PCDH15: variants seen among roughly 807,000 people sequenced by gnomAD.
The protein encoded by PCDH15 is protocadherin related 15.
PCDH15 carries 129 observed loss-of-function variants against 178.5 expected under a neutral mutation model. That is an observed-to-expected ratio of 0.72 (90% CI 0.63 to 0.84). PCDH15 has a LOEUF of 0.84. Ranked by LOEUF, PCDH15 falls within the 40% of genes least tolerant of loss-of-function variation. The probability of loss-of-function intolerance (pLI) is 0.00; values close to 1 mark genes in which losing one functional copy is unlikely to be tolerated. For synonymous variants in PCDH15, 800 were observed against 732.0 expected (o/e 1.09, Z -1.50); for missense variants, 2,230 against 2,099.9 (o/e 1.06, Z -1.21).
chr10:55,102,979 G>A (rs758664452), intron 2 of PCDH15, among the ~76,000 whole-genome samples: 8 of 152,248 alleles, frequency 5.3e-5, no homozygotes, highest in Non-Finnish European at 7.4e-5. Flanking sequence ...GGAGGAGGAA[G>A]AGGAGGTGTT....
At position 54,317,547 on chromosome 10, in the gene PCDH15, G is replaced by T. The variant is rs186517050; in HGVS notation, c.706-106C>A. On this transcript the variant is annotated intron_variant, in intron 7 of 37. Transcript: ENST00000644397. ...CCCAGAACTTTGGGAGGCCAAGGTGGGTGGATCACTTGAGGTCAGGGGTTT... is the reference window on the plus strand; with the variant it reads ...CCCAGAACTTTGGGAGGCCAAGGTGTGTGGATCACTTGAGGTCAGGGGTTT... The T allele has an allele frequency of 7.3e-4, 949 of 1,294,776 alleles. 3 individuals are homozygous for T. The African/African-American group carries it at 0.013, about 17-fold the overall frequency. The allele number at this position is 1,294,776 out of a possible 1,614,324, so 80.2% of individuals were successfully genotyped here.
At chr10:55,265,035 A>G (rs1366776555) in intron 1 of PCDH15, among the ~76,000 whole-genome samples, 1 of 152,022 alleles carries the variant, frequency 6.6e-6, no homozygotes, top group Admixed American at 6.5e-5. Context: ...TTGAGAAGCC[A>G]GCTCCCACCA....
At chr10:54,495,510 A>G (rs531997338) in intron 3 of PCDH15, among the ~76,000 whole-genome samples, 16 of 152,310 alleles carry the variant, frequency 1.1e-4, no homozygotes, top group African/African-American at 3.6e-4. Flanking sequence ...TACCATTTAC[A>G]TTCTAAGTTT....
At chr10:54,261,244 C>T (rs1204005879) in intron 8 of PCDH15, among the ~76,000 whole-genome samples, 4 of 151,906 alleles carry the variant, frequency 2.6e-5, no homozygotes, top group Non-Finnish European at 5.9e-5. Context: ...TAAAAATATA[C>T]AGATTTAACA....
At chr10:55,040,441 G>C (rs1329066846) in intron 2 of PCDH15, among the ~76,000 whole-genome samples, 2 of 151,686 alleles carry the variant, frequency 1.3e-5, no homozygotes. Context: ...CCAATGCAGT[G>C]AGTGACTTGA....
At chr10:55,072,347 C>G (rs1591879286) in intron 2 of PCDH15, among the ~76,000 whole-genome samples, 1 of 152,042 alleles carries the variant, frequency 6.6e-6, no homozygotes, top group Admixed American at 6.6e-5. Flanking sequence ...TGATAGACCA[C>G]TAGCAAGACT....
chr10:55,175,026 G>C (rs1013573581), intron 1 of PCDH15, among the ~76,000 whole-genome samples: 4 of 149,406 alleles, frequency 2.7e-5, no homozygotes, highest in Non-Finnish European at 6.0e-5. Flanking sequence ...ACAAACAGCA[G>C]AGAAGTTTGG....
intron 2 of PCDH15, among the ~76,000 whole-genome samples, chr10:55,522,057 A>G (rs914231594): frequency 3.3e-5 from 5 of 151,928 alleles, no homozygotes; most frequent in Non-Finnish European, 7.4e-5. Context: ...ACCAGTCTGT[A>G]TATCTAGAAA....
chr10:54,594,900 A>G (rs1590351517), intron 2 of PCDH15, among the ~76,000 whole-genome samples: 1 of 152,164 alleles, frequency 6.6e-6, no homozygotes, highest in East Asian at 1.9e-4. Flanking sequence ...CACAGAAAAC[A>G]GTGTATCTAC....
chr10:53,822,232 A>C, intron 32 of PCDH15: 1 of 1,613,874 alleles, frequency 6.2e-7, no homozygotes, highest in Non-Finnish European at 8.5e-7. Flanking sequence ...AATGAAGCTG[A>C]AGGAGGTGGA....
chr10:55,573,060 A>C (rs545549019), intron 2 of PCDH15, among the ~76,000 whole-genome samples: 1 of 152,212 alleles, frequency 6.6e-6, no homozygotes, highest in African/African-American at 2.4e-5. Flanking sequence ...AAGAGGCATA[A>C]GTGGAAAACA....
At chr10:54,956,204 T>A (rs1838481250) in intron 2 of PCDH15, among the ~76,000 whole-genome samples, 2 of 151,300 alleles carry the variant, frequency 1.3e-5, no homozygotes, top group East Asian at 1.9e-4. Flanking sequence ...CTAGACCACA[T>A]AAGTATTGTG....
At chr10:55,069,279 ACAAT>A (rs1262355384) in intron 2 of PCDH15, among the ~76,000 whole-genome samples, 2 of 122,206 alleles carry the variant, frequency 1.6e-5, no homozygotes, top group Non-Finnish European at 3.9e-5. Context: ...GTTTAAAATA[ACAAT>A]TTTTTTTTTA....
chr10:54,434,838 C>T (rs1334693900), intron 3 of PCDH15, among the ~76,000 whole-genome samples: 1 of 152,128 alleles, frequency 6.6e-6, no homozygotes, highest in Non-Finnish European at 1.5e-5. Flanking sequence ...CTTTGTTAGA[C>T]CAAGAATAGA....
chr10:54,835,399 T>C (rs1953298770), intron 3 of PCDH15, among the ~76,000 whole-genome samples: 1 of 152,090 alleles, frequency 6.6e-6, no homozygotes, highest in Non-Finnish European at 1.5e-5. Flanking sequence ...TTTCTCTCTC[T>C]CCTTCTCCAT....
chr10:54,403,873 A>G (rs1296906702), intron 3 of PCDH15, among the ~76,000 whole-genome samples: 1 of 151,740 alleles, frequency 6.6e-6, no homozygotes, highest in African/African-American at 2.4e-5. Flanking sequence ...ACAAACACAC[A>G]CACAAACACA....
chr10:54,129,922 G>A (rs572334210), intron 15 of PCDH15, among the ~76,000 whole-genome samples: 1 of 152,200 alleles, frequency 6.6e-6, no homozygotes, highest in South Asian at 2.1e-4. Context: ...GATGATACAT[G>A]GAAATTTTGT....
chr10:55,187,061 C>A (rs191558542), intron 1 of PCDH15, among the ~76,000 whole-genome samples: 3 of 151,866 alleles, frequency 2.0e-5, no homozygotes, highest in East Asian at 1.9e-4. Flanking sequence ...TATTGAGAAC[C>A]TATTATACCT....
chr10:55,446,326 T>TATAA (rs951823936), intron 2 of PCDH15, among the ~76,000 whole-genome samples: 18 of 151,530 alleles, frequency 1.2e-4, no homozygotes, highest in Middle Eastern at 3.4e-3. Flanking sequence ...TATATATATA[T>TATAA]AAAACATTCT....
Sources: gnomAD v4.1 joint callset for allele counts (sites outside exome capture counted in the v4.1 genomes callset) on GRCh38, gnomAD v4.1.1 for gene constraint, MANE v1.5 for transcripts, NCBI Gene and HGNC (gene_info 2026-07-23, HGNC 2026-07-21) for gene names.